Variants in USP48 observed in about 807,000 individuals in gnomAD.
The protein encoded by USP48 is ubiquitin specific peptidase 48, also known as ubiquitin carboxyl-terminal hydrolase 48.
In USP48, 43 loss-of-function variants were observed where a neutral mutation model predicts 150.7. The ratio of observed to expected loss-of-function variants is 0.29; its 90% CI spans 0.22 to 0.37. The LOEUF (loss-of-function observed/expected upper bound fraction) is 0.37, where lower values mean the gene tolerates loss of function less well. Ranked by LOEUF, USP48 falls within the 10% of genes least tolerant of loss-of-function variation. USP48 has a pLI of 1.00. For synonymous variants in USP48, 396 were observed against 425.9 expected, an observed-to-expected ratio of 0.93 and a Z score of 0.86; for missense variants, 813 against 1,249.6, an observed-to-expected ratio of 0.65 and a Z score of 5.27.
intron 8 of USP48, among the ~76,000 whole-genome samples, chr1:21,745,184 CAGCA>C (rs2097791687): frequency 6.6e-6 from 1 of 152,232 alleles, no homozygotes; most frequent in African/African-American, 2.4e-5. Context: ...ATATAAGGTA[CAGCA>C]AGCATTACGA....
At chr1:21,761,883 C>T (rs983900608) in intron 1 of USP48, among the ~76,000 whole-genome samples, 5 of 152,166 alleles carry the variant, frequency 3.3e-5, no homozygotes, top group Admixed American at 1.3e-4. Flanking sequence ...TAAAGTAGAA[C>T]CCATCCACTG....
chr1:21,779,471 A>G (rs897696424), intron 1 of USP48, among the ~76,000 whole-genome samples: 6 of 151,862 alleles, frequency 4.0e-5, no homozygotes, highest in Non-Finnish European at 7.4e-5. Flanking sequence ...GCTTGAACCT[A>G]GGAGGCAGAG....
chr1:21,754,899 A>AC (rs1397255824), intron 3 of USP48, among the ~76,000 whole-genome samples: 1 of 152,078 alleles, frequency 6.6e-6, no homozygotes, highest in Non-Finnish European at 1.5e-5. Context: ...CTTTTCAGCC[A>AC]CCCAGTGCAT....
At chr1:21,775,860 T>C (rs61685265) in intron 1 of USP48, among the ~76,000 whole-genome samples, 17,478 of 152,108 alleles carry the variant, frequency 0.11, 1,211 homozygotes, top group African/African-American at 0.18. Flanking sequence ...CTAAGCAACA[T>C]AGTAAGACCC....
chr1:21,721,345 C>T (rs1209655395), intron 13 of USP48, among the ~76,000 whole-genome samples, 179 bp from the exon 14 acceptor site: 2 of 152,252 alleles, frequency 1.3e-5, no homozygotes, highest in African/African-American at 2.4e-5. Flanking sequence ...TATTGAACTG[C>T]AGGGATCTAA....
At chr1:21,731,933 G>A (rs1480716479) in intron 9 of USP48, among the ~76,000 whole-genome samples, 3 of 152,052 alleles carry the variant, frequency 2.0e-5, no homozygotes, top group African/African-American at 7.2e-5. Context: ...TCTCTATGAC[G>A]TAAACAGCAA....
chr1:21,760,922 T>C (rs939832274), intron 1 of USP48, among the ~76,000 whole-genome samples: 4 of 151,756 alleles, frequency 2.6e-5, no homozygotes, highest in Admixed American at 2.6e-4. Context: ...GGAGAAACCC[T>C]GTCTCTACTA....
intron 7 of USP48, 148 bp downstream of exon 7, chr1:21,747,990 G>T: frequency 1.2e-6 from 1 of 813,870 alleles, no homozygotes; most frequent in Non-Finnish European, 1.7e-6. Flanking sequence ...ATGAAATATC[G>T]ACATTTCAAA....
intron 15 of USP48, among the ~76,000 whole-genome samples, chr1:21,710,100 T>C (rs2097686395): frequency 2.6e-5 from 4 of 152,182 alleles, no homozygotes; most frequent in Admixed American, 2.6e-4. Flanking sequence ...CTGGGACACA[T>C]AAATTGTTAG....
intron 25 of USP48, among the ~76,000 whole-genome samples, chr1:21,685,319 GCTTT>G (rs1437979713): frequency 2.0e-5 from 3 of 148,498 alleles, no homozygotes; most frequent in Admixed American, 6.7e-5. Context: ...TATTGGAATT[GCTTT>G]CTTTTCTTTT....
At chr1:21,721,438 G>C (rs1195025436) in intron 13 of USP48, among the ~76,000 whole-genome samples, 1 of 152,200 alleles carries the variant, frequency 6.6e-6, no homozygotes, top group Non-Finnish European at 1.5e-5. Flanking sequence ...ATGGAATACA[G>C]TGGCAAAGGC....
chr1:21,687,040 T>C (rs1199373645), intron 25 of USP48, 151 bp downstream of exon 25: 1 of 702,678 alleles, frequency 1.4e-6, no homozygotes. Flanking sequence ...CTTTCTATGA[T>C]CTTTTAAGAT....
At chr1:21,763,383 T>C (rs1284348762) in intron 1 of USP48, among the ~76,000 whole-genome samples, 1 of 152,178 alleles carries the variant, frequency 6.6e-6, no homozygotes, top group Non-Finnish European at 1.5e-5. Context: ...AAAAAGCCAA[T>C]GGCGGTGCTT....
intron 1 of USP48, among the ~76,000 whole-genome samples, chr1:21,762,078 C>T (rs191205915): frequency 4.1e-4 from 63 of 152,254 alleles, no homozygotes; most frequent in African/African-American, 1.5e-3. Flanking sequence ...ACCAGCCTGG[C>T]CAACATGGCA....
intron 11 of USP48, chr1:21,724,486 G>A (rs944165515): frequency 3.3e-6 from 1 of 300,238 alleles, no homozygotes; most frequent in Non-Finnish European, 6.1e-6. Flanking sequence ...GCCCTACTGT[G>A]TTTATTTCAT....
chr1:21,774,864 G>T (rs2097893429), intron 1 of USP48, among the ~76,000 whole-genome samples: 1 of 150,686 alleles, frequency 6.6e-6, no homozygotes, highest in Non-Finnish European at 1.5e-5. Flanking sequence ...GGTGGCCCAT[G>T]CCTGTTGTCC....
At chr1:21,708,884 C>CAAAAAAAA (rs1181628764) in intron 15 of USP48, among the ~76,000 whole-genome samples, 3 of 16,606 alleles carry the variant, frequency 1.8e-4, no homozygotes, top group Non-Finnish European at 4.4e-4. Flanking sequence ...GACTCCGTCT[C>CAAAAAAAA]AAAAAAAAAA....
intron 14 of USP48, among the ~76,000 whole-genome samples, chr1:21,717,157 C>T (rs1237653894): frequency 6.6e-6 from 1 of 152,190 alleles, no homozygotes; most frequent in African/African-American, 2.4e-5. Flanking sequence ...AATCCCAGCA[C>T]TTTGAGAAGA....
At chr1:21,762,354 C>A (rs1161644561) in intron 1 of USP48, among the ~76,000 whole-genome samples, 1 of 152,040 alleles carries the variant, frequency 6.6e-6, no homozygotes, top group Non-Finnish European at 1.5e-5. Context: ...CAAGGATATA[C>A]TAGGAAGGTT....
Sources: allele counts gnomAD v4.1 joint callset (sites outside exome capture counted in the v4.1 genomes callset), GRCh38; gene constraint gnomAD v4.1.1; transcripts MANE v1.5; gene names NCBI Gene and HGNC (gene_info 2026-07-23, HGNC 2026-07-21).